Variants in TMEM239 observed in about 807,000 individuals in gnomAD.
TMEM239 encodes the protein transmembrane protein 239.
A neutral mutation model predicts 14.6 loss-of-function variants in TMEM239; 10 were observed. The ratio of observed to expected loss-of-function variants is 0.68; its 90% CI spans 0.42 to 1.16. TMEM239 has a LOEUF of 1.16. Ranked by LOEUF, TMEM239 falls within the 50% of genes most tolerant of loss-of-function variation. The pLI is 0.00. For missense variants in TMEM239, 183 were observed against 194.4 expected, an observed-to-expected ratio of 0.94 and a Z score of 0.35; for synonymous variants, 94 against 89.9, an observed-to-expected ratio of 1.05 and a Z score of -0.26.
In TMEM239 at chr20:2,817,172, C is replaced by A; in HGVS notation, c.*159C>A. 1 of 921,846 alleles carries A rather than the reference C, an allele frequency of 1.1e-6. No individual in the cohort carries two copies. The highest frequency in any genetic ancestry group is 2.6e-5 in the East Asian group (1 of 37,884). The allele number at this position is 921,846 out of a possible 1,614,324, so 57.1% of individuals were successfully genotyped here. A position where few individuals can be genotyped will look rare whatever the true frequency, so the allele number is the denominator to read the frequency against. ...AGACTGGCCTGACCCCGGACTCCTT[C>A]CTCAAGTCAATGCTGCAGGTTCCTG... On this transcript the variant is annotated 3_prime_UTR_variant, in exon 2 of 2. Transcript: ENST00000380585.
upstream of TMEM239, chr20:2,816,201 G>T: frequency 1.4e-6 from 1 of 722,190 alleles, no homozygotes; most frequent in Non-Finnish European, 2.3e-6. Flanking sequence ...GGGGCTCCGA[G>T]GCTCCCCTGC....
Position 2,816,491 on chromosome 20 carries a change from GCCC to G in TMEM239, c.-11-43_-11-41del, listed in dbSNP as rs11475648. On this transcript the variant is annotated intron_variant, in intron 1 of 1. Transcript: ENST00000380585. ...CTCCTGACCCCTGCACCCCCTCTCTGCCCCCCCCCCCCAAGGTCCCAGGCATCT... is the reference window on the plus strand; with the variant it reads ...CTCCTGACCCCTGCACCCCCTCTCTGCCCCCCCCCAAGGTCCCAGGCATCT... 1,056 of 1,344,362 alleles carry G rather than the reference GCCC, an allele frequency of 7.9e-4. 3 individuals carry two copies. The highest frequency in any genetic ancestry group is 3.1e-3 in the African/African-American group (186 of 60,338). The allele number at this position is 1,344,362 out of a possible 1,614,324, so 83.3% of individuals were successfully genotyped here. A position where few individuals can be genotyped will look rare whatever the true frequency, so the allele number is the denominator to read the frequency against.
upstream of TMEM239, among the ~76,000 whole-genome samples, chr20:2,816,075 A>C (rs949484412): frequency 6.6e-6 from 1 of 152,168 alleles, no homozygotes; most frequent in African/African-American, 2.4e-5. Context: ...TCCAGACAGA[A>C]AGACTTGCGA....
At chr20:2,816,502 C>CA (rs2088672948) in intron 1 of TMEM239, 42 bp from the exon 2 acceptor site, 3 of 1,503,772 alleles carry the variant, frequency 2.0e-6, no homozygotes, top group South Asian at 1.2e-5. Context: ...CCCCCCCCCC[C>CA]CAAGGTCCCA....
At position 2,816,590 on chromosome 20, in the gene TMEM239, C is replaced by T. The variant is rs763640672; in HGVS notation, c.36C>T (p.Ile12=). 27 of 1,536,314 alleles carry T rather than the reference C, an allele frequency of 1.8e-5. No homozygotes were observed. The highest frequency in any genetic ancestry group is 1.7e-4 in the Middle Eastern group (1 of 6,006). ...AGCCGCGAGTGGAGACAGATACCAT[C>T]GGGGCTGGCGAGGGGCCACAGCAGG... ...MQQPRVETDT[I]GAGEGPQQAV... is the part of the protein sequence containing the mutation. Residue 12 remains isoleucine (I), a synonymous_variant, in exon 2 of 2, where the codon ATC becomes ATT. Transcript: ENST00000380585.
At position 2,816,633 on chromosome 20, in the gene TMEM239, T is replaced by A; in HGVS notation, c.79T>A (p.Trp27Arg). The change falls in exon 2 of 2, where the codon TGG (tryptophan) becomes AGG (arginine). Residue 27 changes from tryptophan (W) to arginine (R), a missense_variant. Trp to Arg is a moderately radical substitution (Grantham distance 101). Transcript: ENST00000380585. The stretch of plus-strand genomic sequence containing the variant: ...ACAGCAGGCAGTGCCCTGGTCAGCC[T>A]GGGTCACGAGGCATGGCTGGGTGCG... ...GPQQAVPWSA[W>R]VTRHGWVRWW... is the part of the protein sequence containing the mutation. 6.5e-7 allele frequency: 1 copy of A among 1,540,566 alleles called. No individual in the cohort carries two copies. The highest frequency in any genetic ancestry group is 8.7e-7 in the Non-Finnish European group (1 of 1,146,760).
upstream of TMEM239, chr20:2,815,799 T>G: frequency 6.3e-7 from 1 of 1,579,500 alleles, no homozygotes; most frequent in Non-Finnish European, 8.6e-7. Context: ...CAACTCAGTG[T>G]CCTTCAAATA....
downstream of TMEM239, chr20:2,818,628 G>C (rs1449506222): frequency 1.3e-5 from 2 of 152,354 alleles, no homozygotes; most frequent in Non-Finnish European, 2.9e-5. Flanking sequence ...ATGGTAGTGA[G>C]AGCGAGGTAG....
chr20:2,817,119 G>A lies in TMEM239; in HGVS notation c.*106G>A, dbSNP rs1600280193. On this transcript the variant is annotated 3_prime_UTR_variant, in exon 2 of 2. Transcript: ENST00000380585. ...GGGATCAGGGCTCCCTGCCTTGGCAGGGCCCAGACCCCTAGTCCCTAACAG... is the reference window on the plus strand; with the variant it reads ...GGGATCAGGGCTCCCTGCCTTGGCAAGGCCCAGACCCCTAGTCCCTAACAG... 2.6e-6 allele frequency: 2 copies of A among 754,948 alleles called. No individual in the cohort carries two copies. The highest frequency in any genetic ancestry group is 5.7e-5 in the South Asian group (2 of 35,022). The allele number at this position is 754,948 out of a possible 1,614,324, so 46.8% of individuals were successfully genotyped here.
Position 2,816,787 on chromosome 20 carries a change from G to A in TMEM239, c.233G>A (p.Cys78Tyr). The A allele has an allele frequency of 3.2e-6, 5 of 1,551,184 alleles. No homozygotes were observed. Among genetic ancestry groups the A allele is most frequent in the Non-Finnish European group, 4.4e-6 (5 of 1,146,992 alleles). The change falls in exon 2 of 2, where the codon TGC (cysteine) becomes TAC (tyrosine). Residue 78 changes from cysteine (C) to tyrosine (Y), a missense_variant. Transcript: ENST00000380585. ...TACCTGCTGCTGGCACTGATGTTGTGCCATGCACTCTTCACCACTGGCTCC... is the reference window on the plus strand; with the variant it reads ...TACCTGCTGCTGGCACTGATGTTGTACCATGCACTCTTCACCACTGGCTCC... ...ILYLLLALML[C>Y]HALFTTGSHL...
chr20:2,818,692 G>A (rs1185979775), downstream of TMEM239: 2 of 152,282 alleles, frequency 1.3e-5, no homozygotes, highest in Non-Finnish European at 2.9e-5. Flanking sequence ...CATGAGCTGA[G>A]GCTGGGCGTG....
At position 2,817,093 on chromosome 20, in the gene TMEM239, T is replaced by A. The variant is rs143915598; in HGVS notation, c.*80T>A. The A allele has an allele frequency of 2.0e-6, 3 of 1,504,200 alleles. No homozygotes were observed. Among genetic ancestry groups the A allele is most frequent in the Admixed American group, 4.0e-5 (2 of 49,544 alleles). The allele number at this position is 1,504,200 out of a possible 1,614,324, so 93.2% of individuals were successfully genotyped here. On this transcript the variant is annotated 3_prime_UTR_variant, in exon 2 of 2. Transcript: ENST00000380585. ...GACCCCACGGGGAGAGGGAGGGCAA[T>A]GGGATCAGGGCTCCCTGCCTTGGCA...
chr20:2,816,517 T>C (rs1176364694), intron 1 of TMEM239, 27 bp from the exon 2 acceptor site: 9 of 952,232 alleles, frequency 9.5e-6, no homozygotes, highest in Admixed American at 2.5e-5. Flanking sequence ...GTCCCAGGCA[T>C]CTTCAAGACC....
rs757140810 is a variant in TMEM239, at chr20:2,817,552, C to T, written c.*539C>T. The stretch of plus-strand genomic sequence containing the variant: ...AAGCCCCAGGAGACCTCAACTCACT[C>T]GCTCTCCAAACCTTGCAGCCCACGC... On this transcript the variant is annotated 3_prime_UTR_variant, in exon 2 of 2. Coordinates refer to ENST00000380585, the MANE Select transcript of TMEM239 (RefSeq NM_001167670.3). 6.1e-5 allele frequency: 10 copies of T among 163,662 alleles called. No individual in the cohort carries two copies. The highest frequency in any genetic ancestry group is 1.1e-4 in the Admixed American group (2 of 17,486). 10.1% of individuals were successfully genotyped at this position (163,662 alleles called of 1,614,324 possible).
At chr20:2,815,785 C>A (rs770900987), upstream of TMEM239, 24 of 1,600,262 alleles carry the variant, frequency 1.5e-5, no homozygotes, top group African/African-American at 2.7e-5. Context: ...AGAGCCCCTC[C>A]CCACAACTCA....
Position 2,817,104 on chromosome 20 carries a change from C to A in TMEM239, c.*91C>A, listed in dbSNP as rs1600280184. 4 of 1,473,038 alleles carry A rather than the reference C, an allele frequency of 2.7e-6. No individual in the cohort carries two copies. The highest frequency in any genetic ancestry group is 3.6e-6 in the Non-Finnish European group (4 of 1,108,048). 91.2% of individuals were successfully genotyped at this position (1,473,038 alleles called of 1,614,324 possible). On this transcript the variant is annotated 3_prime_UTR_variant, in exon 2 of 2. Coordinates refer to ENST00000380585, the MANE Select transcript of TMEM239 (RefSeq NM_001167670.3). ...GAGAGGGAGGGCAATGGGATCAGGG[C>A]TCCCTGCCTTGGCAGGGCCCAGACC...
In TMEM239 at chr20:2,816,822, A is replaced by C; in HGVS notation, c.268A>C (p.Ser90Arg). The change falls in exon 2 of 2, where the codon AGC becomes CGC. Residue 90 changes from serine to arginine, a missense_variant. Physicochemically the swap from Ser to Arg is moderately radical, Grantham distance 110 (BLOSUM62 -1). Coordinates refer to ENST00000380585, the MANE Select transcript of TMEM239 (RefSeq NM_001167670.3). The part of the protein sequence containing the change: ...ALFTTGSHLL[S>R]SLWPVVAAVW... ...CTTCACCACTGGCTCCCACCTGCTG[A>C]GCTCCTTGTGGCCTGTCGTGGCCGC... The C allele has an allele frequency of 6.4e-7, 1 of 1,550,654 alleles. No individual in the cohort carries two copies. The highest frequency in any genetic ancestry group is 8.7e-7 in the Non-Finnish European group (1 of 1,146,992).
In TMEM239 at chr20:2,817,106, C is replaced by T; in HGVS notation, c.*93C>T. Reference sequence around the variant, plus strand: ...GAGGGAGGGCAATGGGATCAGGGCTCCCTGCCTTGGCAGGGCCCAGACCCC... The same window carrying T: ...GAGGGAGGGCAATGGGATCAGGGCTTCCTGCCTTGGCAGGGCCCAGACCCC... On this transcript the variant is annotated 3_prime_UTR_variant, in exon 2 of 2. Transcript: ENST00000380585. 2.7e-6 allele frequency: 4 copies of T among 1,467,888 alleles called. No homozygotes were observed. The highest frequency in any genetic ancestry group is 2.7e-6 in the Non-Finnish European group (3 of 1,105,556). 90.9% of individuals were successfully genotyped at this position (1,467,888 alleles called of 1,614,324 possible). A position where few individuals can be genotyped will look rare whatever the true frequency, so the allele number is the denominator to read the frequency against.
At chr20:2,815,946 G>A (rs1600278362), upstream of TMEM239, 4 of 661,136 alleles carry the variant, frequency 6.1e-6, no homozygotes, top group South Asian at 5.6e-5. Flanking sequence ...GAGTCTTTGG[G>A]CAGCAAGAGA....
Sources: allele counts gnomAD v4.1 joint callset (sites outside exome capture counted in the v4.1 genomes callset), GRCh38; gene constraint gnomAD v4.1.1; transcripts MANE v1.5; gene names NCBI Gene and HGNC (gene_info 2026-07-23, HGNC 2026-07-21).